Variants in CADM2 observed in about 807,000 individuals in gnomAD.
The protein encoded by CADM2 is immunoglobulin superfamily member 4D.
CADM2 carries 12 observed loss-of-function variants against 49.8 expected under a neutral mutation model. The ratio of observed to expected loss-of-function variants is 0.24; its 90% confidence interval spans 0.15 to 0.39. CADM2 has a LOEUF of 0.39. Among genes scored for constraint, CADM2 ranks in the 10% least tolerant of loss-of-function variants. The probability of loss-of-function intolerance (pLI) is 1.00; values close to 1 mark genes in which losing one functional copy is unlikely to be tolerated. For missense variants in CADM2, 378 were observed against 492.3 expected (o/e 0.77, Z 2.20); for synonymous variants, 214 against 175.4 (o/e 1.22, Z -1.74).
At chr3:85,430,034 G>A (rs976735959) in intron 1 of CADM2, among the ~76,000 whole-genome samples, 1 of 152,120 alleles carries the variant, frequency 6.6e-6, no homozygotes, top group African/African-American at 2.4e-5. Context: ...AATTTTGAAT[G>A]AACACATGAT....
At chr3:85,612,597 A>T (rs1036333340) in intron 1 of CADM2, among the ~76,000 whole-genome samples, 1 of 151,854 alleles carries the variant, frequency 6.6e-6, no homozygotes, top group Non-Finnish European at 1.5e-5. Flanking sequence ...TTAGGTTTAC[A>T]AAACATATTA....
intron 1 of CADM2, among the ~76,000 whole-genome samples, chr3:85,499,064 T>C (rs1322937323): frequency 6.6e-6 from 1 of 152,194 alleles, no homozygotes; most frequent in Non-Finnish European, 1.5e-5. Flanking sequence ...ATAGCTTTGA[T>C]ATATGTATAT....
intron 1 of CADM2, among the ~76,000 whole-genome samples, chr3:85,366,560 G>A (rs6549022): frequency 0.93 from 141,273 of 152,198 alleles, 65,844 homozygotes; most frequent in Non-Finnish European, 0.97. Flanking sequence ...CTTTTATCAG[G>A]AAAAATTTAA....
At chr3:86,011,950 A>C (rs918328184) in intron 8 of CADM2, among the ~76,000 whole-genome samples, 25 of 81,566 alleles carry the variant, frequency 3.1e-4, no homozygotes, top group African/African-American at 2.1e-3. Context: ...CAATTAAGTA[A>C]TTAATTAAGA....
In CADM2 at chr3:85,492,317, C is replaced by T. The variant is rs111258724; in HGVS notation, c.62-234205C>T. ...ATAAATGGAATATTTCGAAGCCAGGCGTGGTGGCTCATGCCTGTAATCCAA... is the reference window on the plus strand; with the variant it reads ...ATAAATGGAATATTTCGAAGCCAGGTGTGGTGGCTCATGCCTGTAATCCAA... On this transcript the variant is annotated intron_variant, in intron 1 of 9. Transcript: ENST00000383699. Among the ~76,000 whole-genome samples, 656 of 152,190 alleles carry T rather than the reference C, an allele frequency of 4.3e-3. 2 individuals are homozygous for T. Among genetic ancestry groups the T allele is most frequent in the African/African-American group, 0.015 (626 of 41,536 alleles).
At chr3:85,518,921 C>T (rs1303879132) in intron 1 of CADM2, among the ~76,000 whole-genome samples, 1 of 152,086 alleles carries the variant, frequency 6.6e-6, no homozygotes, top group African/African-American at 2.4e-5. Context: ...CTTCACGGAA[C>T]ATTTTTCCAG....
At chr3:85,442,839 A>T (rs1263855965) in intron 1 of CADM2, among the ~76,000 whole-genome samples, 3 of 151,522 alleles carry the variant, frequency 2.0e-5, no homozygotes, top group African/African-American at 4.8e-5. Context: ...GAAAGAAATT[A>T]TTAAAGAAAT....
At chr3:85,448,584 AT>A (rs1490221889) in intron 1 of CADM2, among the ~76,000 whole-genome samples, 1 of 151,928 alleles carries the variant, frequency 6.6e-6, no homozygotes, top group African/African-American at 2.4e-5. Flanking sequence ...CAGTGTATAG[AT>A]TTTGCACATG....
chr3:85,594,889 A>G (rs1354633593), intron 1 of CADM2, among the ~76,000 whole-genome samples: 7 of 151,990 alleles, frequency 4.6e-5, no homozygotes, highest in Admixed American at 6.6e-5. Context: ...TGGCACCGTC[A>G]GTTTTAATGC....
At chr3:85,117,836 G>A (rs58790749) in intron 1 of CADM2, among the ~76,000 whole-genome samples, 13,305 of 152,036 alleles carry the variant, frequency 0.088, 1,154 homozygotes, top group East Asian at 0.26. Flanking sequence ...GAGCCAATGG[G>A]CATTATATTT....
At chr3:85,854,370 G>A (rs542065618) in intron 3 of CADM2, among the ~76,000 whole-genome samples, 119 of 152,200 alleles carry the variant, frequency 7.8e-4, no homozygotes, top group African/African-American at 2.9e-3. Flanking sequence ...CAAAGACTTG[G>A]AACCAACCCA....
intron 1 of CADM2, among the ~76,000 whole-genome samples, chr3:85,389,879 C>G (rs1009519593): frequency 2.0e-5 from 3 of 152,004 alleles, no homozygotes; most frequent in Non-Finnish European, 2.9e-5. Context: ...TATTTCTACT[C>G]TTCCTATTTA....
intron 1 of CADM2, among the ~76,000 whole-genome samples, chr3:85,453,546 G>A (rs996539621): frequency 1.3e-5 from 2 of 151,872 alleles, no homozygotes; most frequent in Admixed American, 1.3e-4. Context: ...CAATTTTCTG[G>A]ATTTCTGGAG....
At chr3:85,270,704 C>T (rs2043220841) in intron 1 of CADM2, among the ~76,000 whole-genome samples, 1 of 151,092 alleles carries the variant, frequency 6.6e-6, no homozygotes, top group Admixed American at 6.6e-5. Flanking sequence ...ATATCTGGTT[C>T]CCATTGTTTG....
At position 85,696,238 on chromosome 3, in the gene CADM2, T is replaced by C. The variant is rs185286254; in HGVS notation, c.62-30284T>C. Among the ~76,000 whole-genome samples, 4 of 152,278 alleles carry C rather than the reference T, an allele frequency of 2.6e-5. No homozygotes were observed. The East Asian group carries it at 7.7e-4, about 29-fold the overall frequency. The stretch of plus-strand genomic sequence containing the variant: ...GTTATCTGTTTACTCTGTTGATTAT[T>C]TCTTTTTCTGTGCAGAAACTTTTTA... On this transcript the variant is annotated intron_variant, in intron 1 of 9. Coordinates refer to ENST00000383699, the MANE Select transcript of CADM2 (RefSeq NM_001167675.2).
At chr3:85,193,307 A>G (rs1197688550) in intron 1 of CADM2, among the ~76,000 whole-genome samples, 2 of 152,026 alleles carry the variant, frequency 1.3e-5, no homozygotes, top group South Asian at 4.1e-4. Context: ...TATGCTGATG[A>G]TGATAGACTT....
chr3:85,284,372 A>T (rs1299320135), intron 1 of CADM2, among the ~76,000 whole-genome samples: 1 of 152,142 alleles, frequency 6.6e-6, no homozygotes, highest in Non-Finnish European at 1.5e-5. Context: ...AATAAACACA[A>T]CATATATAAT....
At chr3:85,943,427 T>A (rs1304100340) in intron 7 of CADM2, among the ~76,000 whole-genome samples, 1 of 147,174 alleles carries the variant, frequency 6.8e-6, no homozygotes, top group Non-Finnish European at 1.5e-5. Flanking sequence ...ATGTCCTGAA[T>A]GGTAAAGCCT....
In CADM2 at chr3:85,029,517, G is replaced by A. The variant is rs769614140; in HGVS notation, c.61+69849G>A. ...TGCTAAGTTTCACAAAGCAAAAAAG[G>A]GTTTATCTTGGACAGTATGAATTTG... On this transcript the variant is annotated intron_variant, in intron 1 of 9. Coordinates refer to ENST00000383699, the MANE Select transcript of CADM2 (RefSeq NM_001167675.2). Among the ~76,000 whole-genome samples the A allele has an allele frequency of 7.9e-5, 12 of 152,144 alleles. 1 individual carries two copies. Among genetic ancestry groups the A allele is most frequent in the South Asian group, 6.2e-4 (3 of 4,828 alleles).
Sources: allele counts gnomAD v4.1 joint callset (sites outside exome capture counted in the v4.1 genomes callset), GRCh38; gene constraint gnomAD v4.1.1; transcripts MANE v1.5; gene names NCBI Gene and HGNC (gene_info 2026-07-23, HGNC 2026-07-21).